Variants in IQCH observed in about 807,000 individuals in gnomAD.
The protein encoded by IQCH is IQ motif containing H.
IQCH carries 98 observed loss-of-function variants against 117.0 expected under a neutral mutation model. That is an observed-to-expected ratio of 0.84 (90% CI 0.71 to 0.99). The LOEUF (loss-of-function observed/expected upper bound fraction) is 0.99. IQCH is among the 50% of genes least tolerant of loss of function. The pLI, the probability that IQCH is intolerant of heterozygous loss-of-function variation, is 0.00. For missense variants in IQCH, 1,102 were observed against 1,243.8 expected (o/e 0.89, Z 1.72); for synonymous variants, 412 against 448.2 (o/e 0.92, Z 1.02).
At chr15:67,373,731 GATA>G (rs1970642673) in intron 10 of IQCH, 3 of 492,220 alleles carry the variant, frequency 6.1e-6, no homozygotes, top group South Asian at 2.4e-5. Flanking sequence ...CGAAATAACA[GATA>G]ATGTTTTCGA....
At chr15:67,363,794 A>G (rs185244044) in intron 8 of IQCH, among the ~76,000 whole-genome samples, 8 of 152,272 alleles carry the variant, frequency 5.3e-5, no homozygotes, top group African/African-American at 1.9e-4. Context: ...CTTATAAGTG[A>G]GAACATGCAG....
chr15:67,406,982 C>T lies in IQCH; in HGVS notation c.2097+6677C>T, dbSNP rs1182743251. 2.0e-5 allele frequency: 3 copies of T among 152,182 alleles called. No homozygotes were observed. Among genetic ancestry groups the T allele is most frequent in the African/African-American group, 7.2e-5 (3 of 41,438 alleles). 9.4% of individuals were successfully genotyped at this position (152,182 alleles called of 1,614,324 possible). A position where few individuals can be genotyped will look rare whatever the true frequency, so the allele number is the denominator to read the frequency against. ...ACAGGTAACATTGAACAAGTACATA[C>T]AACTTAATCTTTCTTTGGTGATTCA... On this transcript the variant is annotated intron_variant, in intron 14 of 20. Transcript: ENST00000335894. This position sits in a 1 kb window ranked among gnomAD's most constrained non-coding sequence, Gnocchi z 4.5.
chr15:67,265,438 G>T (rs1407320736), intron 3 of IQCH, among the ~76,000 whole-genome samples: 1 of 152,192 alleles, frequency 6.6e-6, no homozygotes, highest in East Asian at 1.9e-4. Flanking sequence ...TGGGGAGCCT[G>T]TCAAGTTTGT....
rs1596460767 is a variant in IQCH at position 67,473,923 on chromosome 15, A to G, written c.2677-1773A>G. 6.6e-6 allele frequency among the ~76,000 whole-genome samples: 1 copy of G among 152,182 alleles called. No homozygotes were observed. The highest frequency in any genetic ancestry group is 1.5e-5 in the Non-Finnish European group (1 of 68,034). ...TAACTCGTCTGTAGATGTGGACTCC[A>G]CTTGCATTTAGGATGAGCAGCCTTA... is the stretch of plus-strand genomic sequence containing the variant. On this transcript the variant is annotated intron_variant, in intron 17 of 20. Transcript: ENST00000335894. This position sits in a 1 kb window ranked among gnomAD's most constrained non-coding sequence, Gnocchi z 4.9.
chr15:67,340,448 A>AC (rs1567109997), intron 5 of IQCH, among the ~76,000 whole-genome samples: 7 of 146,040 alleles, frequency 4.8e-5, no homozygotes, highest in African/African-American at 7.5e-5. Context: ...AAAAAAAAAA[A>AC]AAAAAAAAAA....
intron 12 of IQCH, among the ~76,000 whole-genome samples, chr15:67,389,694 A>G (rs139210779): frequency 6.6e-6 from 1 of 152,286 alleles, no homozygotes; most frequent in African/African-American, 2.4e-5. Flanking sequence ...TACCTAATGG[A>G]CTATGCATTT....
chr15:67,285,699 T>G (rs1966535839), intron 4 of IQCH, among the ~76,000 whole-genome samples: 1 of 152,212 alleles, frequency 6.6e-6, no homozygotes, highest in Non-Finnish European at 1.5e-5. Context: ...CATCATTTAT[T>G]GAATAGGGAA....
chr15:67,285,242 C>T (rs1293819592), intron 4 of IQCH, among the ~76,000 whole-genome samples: 2 of 151,764 alleles, frequency 1.3e-5, no homozygotes, highest in African/African-American at 2.4e-5. Flanking sequence ...GATCATTGGC[C>T]GCATGTATGT....
At chr15:67,377,770 A>T (rs754723415) in intron 10 of IQCH, among the ~76,000 whole-genome samples, 6 of 152,146 alleles carry the variant, frequency 3.9e-5, no homozygotes, top group Non-Finnish European at 8.8e-5. Context: ...TAAAGTAAAA[A>T]TAGAGGTGGG....
intron 4 of IQCH, among the ~76,000 whole-genome samples, chr15:67,328,507 A>G (rs1968515063): frequency 6.6e-6 from 1 of 152,192 alleles, no homozygotes; most frequent in South Asian, 2.1e-4. Flanking sequence ...ATAGAAAATC[A>G]GAGGAAGAAG....
intron 18 of IQCH, among the ~76,000 whole-genome samples, chr15:67,487,705 G>A (rs552220802): frequency 2.2e-4 from 34 of 152,186 alleles, no homozygotes; most frequent in Admixed American, 9.2e-4. Context: ...TGCAGCCAGC[G>A]TTGGCAGCCA....
At chr15:67,325,269 T>G (rs1217977967) in intron 4 of IQCH, among the ~76,000 whole-genome samples, 1 of 152,174 alleles carries the variant, frequency 6.6e-6, no homozygotes, top group East Asian at 1.9e-4. Context: ...CTCTTTTATA[T>G]ACATTTAATT....
At chr15:67,278,234 G>A (rs946946006) in intron 3 of IQCH, among the ~76,000 whole-genome samples, 2 of 152,128 alleles carry the variant, frequency 1.3e-5, no homozygotes, top group Non-Finnish European at 2.9e-5. Context: ...GAACTCTCTG[G>A]GAATATTCCA....
chr15:67,279,836 A>G (rs975092841), intron 4 of IQCH, among the ~76,000 whole-genome samples: 1 of 152,148 alleles, frequency 6.6e-6, no homozygotes, highest in Non-Finnish European at 1.5e-5. Flanking sequence ...CCCCGTCTCT[A>G]CTAAAAATAC....
chr15:67,452,810 T>C (rs1199576162), intron 16 of IQCH, among the ~76,000 whole-genome samples: 1 of 152,262 alleles, frequency 6.6e-6, no homozygotes, highest in African/African-American at 2.4e-5. Context: ...GATAATATCC[T>C]GAAGAGTGTT....
At chr15:67,429,101 AAAT>A (rs2081962045) in intron 16 of IQCH, among the ~76,000 whole-genome samples, 1 of 152,218 alleles carries the variant, frequency 6.6e-6, no homozygotes, top group African/African-American at 2.4e-5. Flanking sequence ...CAGAGCTGAA[AAAT>A]AATAAATCTG....
At chr15:67,346,581 A>G (rs1173931214) in intron 6 of IQCH, among the ~76,000 whole-genome samples, 1 of 152,156 alleles carries the variant, frequency 6.6e-6, no homozygotes, top group Non-Finnish European at 1.5e-5. Flanking sequence ...TCAGATGGTA[A>G]TGCTTGCTCA....
Position 67,413,344 on chromosome 15 carries a change from C to T in IQCH, c.2098-3587C>T, listed in dbSNP as rs893013905. On this transcript the variant is annotated intron_variant, in intron 14 of 20. Transcript: ENST00000335894. This position sits in a 1 kb window ranked among gnomAD's most constrained non-coding sequence, Gnocchi z 5.0. ...TTCTTAGCTTGTTAAACCACTGCTGCGATGGAGTCCTTTGCTCCTGGATTT... is the reference window on the plus strand; with the variant it reads ...TTCTTAGCTTGTTAAACCACTGCTGTGATGGAGTCCTTTGCTCCTGGATTT... Among the ~76,000 whole-genome samples, 16 of 152,238 alleles carry T rather than the reference C, an allele frequency of 1.1e-4. 1 individual carries two copies. The highest frequency in any genetic ancestry group is 2.2e-4 in the African/African-American group (9 of 41,546).
intron 4 of IQCH, among the ~76,000 whole-genome samples, chr15:67,331,914 A>T (rs1457231912): frequency 6.6e-6 from 1 of 152,176 alleles, no homozygotes; most frequent in Admixed American, 6.5e-5. Flanking sequence ...CTTACAACTT[A>T]TTGGCTGGAA....
Sources: gnomAD v4.1 joint callset for allele counts (sites outside exome capture counted in the v4.1 genomes callset) on GRCh38, gnomAD v4.1.1 for gene constraint, Gnocchi (gnomAD v3.1) non-coding constraint, MANE v1.5 for transcripts, NCBI Gene and HGNC (gene_info 2026-07-23, HGNC 2026-07-21) for gene names.